NPSR1: variants seen among roughly 807,000 people sequenced by gnomAD.
NPSR1 encodes the protein neuropeptide S receptor 1.
In NPSR1, 48 loss-of-function variants were observed where a neutral mutation model predicts 46.9. The ratio of observed to expected loss-of-function variants is 1.02; its 90% CI spans 0.81 to 1.30. NPSR1 has a LOEUF of 1.30. Ranked by LOEUF, NPSR1 falls within the 50% of genes most tolerant of loss-of-function variation. The pLI is 0.00. For missense variants in NPSR1, 450 were observed against 449.5 expected, an observed-to-expected ratio of 1.00 and a Z score of -0.01; for synonymous variants, 176 against 168.1, an observed-to-expected ratio of 1.05 and a Z score of -0.36.
At chr7:34,820,111 C>A (rs1167117850) in intron 4 of NPSR1, among the ~76,000 whole-genome samples, 1 of 151,940 alleles carries the variant, frequency 6.6e-6, no homozygotes, top group Non-Finnish European at 1.5e-5. Context: ...GTGCTCTTGC[C>A]ACAAAAGGAA....
chr7:34,863,175 C>T (rs1335465172), intron 8 of NPSR1, among the ~76,000 whole-genome samples: 1 of 151,720 alleles, frequency 6.6e-6, no homozygotes, highest in African/African-American at 2.4e-5. Flanking sequence ...ATAGGCTAGC[C>T]ATATGCAGAA....
intron 4 of NPSR1, among the ~76,000 whole-genome samples, chr7:34,819,523 C>T (rs1789441888): frequency 6.6e-6 from 1 of 152,146 alleles, no homozygotes; most frequent in Admixed American, 6.5e-5. Context: ...CCTCAAGGAT[C>T]TAGAACTAGA....
intron 2 of NPSR1, among the ~76,000 whole-genome samples, chr7:34,714,794 C>G (rs986539262): frequency 1.3e-5 from 2 of 152,182 alleles, no homozygotes; most frequent in Non-Finnish European, 2.9e-5. Flanking sequence ...CAGACTTAAG[C>G]TGTGCATTGA....
intron 2 of NPSR1, chr7:34,710,643 A>C (rs1487746588): frequency 5.5e-6 from 1 of 181,738 alleles, no homozygotes; most frequent in Admixed American, 6.2e-5. Flanking sequence ...TTGGCTAGAG[A>C]ACAAAGACTT....
chr7:34,674,826 A>G (rs1229762308), intron 1 of NPSR1, among the ~76,000 whole-genome samples: 7 of 152,316 alleles, frequency 4.6e-5, no homozygotes, highest in African/African-American at 1.2e-4. Context: ...CCTCCAATGC[A>G]TGGACCTTAT....
At chr7:34,877,510 C>A (rs1791604851) in intron 8 of NPSR1, among the ~76,000 whole-genome samples, 1 of 152,168 alleles carries the variant, frequency 6.6e-6, no homozygotes. Flanking sequence ...GTCAGAGGCA[C>A]AGCCTCAGAA....
intron 2 of NPSR1, among the ~76,000 whole-genome samples, chr7:34,763,525 AT>A (rs1383805111): frequency 6.6e-6 from 1 of 152,214 alleles, no homozygotes; most frequent in South Asian, 2.1e-4. Context: ...ACAAAAAAAA[AT>A]AATGTGTTCA....
At chr7:34,751,957 G>A (rs1184429155) in intron 2 of NPSR1, 17 of 1,108,010 alleles carry the variant, frequency 1.5e-5, no homozygotes, top group South Asian at 3.8e-5. Flanking sequence ...TGGGGGTGAC[G>A]TTTGCCCAGA....
chr7:34,834,477 C>A lies in NPSR1; in HGVS notation c.757+17C>A. On this transcript the variant is annotated intron_variant, in intron 6 of 8. Coordinates refer to ENST00000360581, the MANE Select transcript of NPSR1 (RefSeq NM_207172.2). ...ACTGCTCAGGTAAGTCTCTACTCTG[C>A]ATGGCCCAATTCTTGGCTAATTTGC... The A allele has an allele frequency of 6.4e-7, 1 of 1,572,344 alleles. No individual in the cohort carries two copies. The highest frequency in any genetic ancestry group is 8.8e-7 in the Non-Finnish European group (1 of 1,142,292).
intron 5 of NPSR1, among the ~76,000 whole-genome samples, chr7:34,832,541 G>A (rs756003009): frequency 2.0e-5 from 3 of 152,100 alleles, no homozygotes; most frequent in Non-Finnish European, 4.4e-5. Context: ...ACACAGCAAC[G>A]CAGATGTCTC....
chr7:34,791,305 A>AAT (rs1209017314), intron 3 of NPSR1, among the ~76,000 whole-genome samples: 1 of 143,788 alleles, frequency 7.0e-6, no homozygotes, highest in Non-Finnish European at 1.5e-5. Flanking sequence ...TAAAATATAT[A>AAT]ATATATATAC....
At chr7:34,692,459 A>G (rs998333019) in intron 2 of NPSR1, among the ~76,000 whole-genome samples, 3 of 152,218 alleles carry the variant, frequency 2.0e-5, no homozygotes, top group African/African-American at 7.2e-5. Context: ...GCCTTTTGGT[A>G]AACAATAAAA....
Position 34,849,390 on chromosome 7 carries a change from GAGA to G in NPSR1, c.1026-172_1026-170del, listed in dbSNP as rs751305764. 51 of 1,553,790 alleles carry G rather than the reference GAGA, an allele frequency of 3.3e-5. 1 individual carries two copies. In the African/African-American group the frequency reaches 6.6e-4, roughly 20 times the overall value. On this transcript the variant is annotated intron_variant, in intron 8 of 8. Coordinates refer to ENST00000360581, the MANE Select transcript of NPSR1 (RefSeq NM_207172.2). ...CCTCTGGGCTCTGGTGCTGACCAGT[GAGA>G]AGGAGAGCTGTGAGTCATGGAGAAG...
At chr7:34,798,402 G>A (rs1399674623) in intron 3 of NPSR1, among the ~76,000 whole-genome samples, 1 of 152,104 alleles carries the variant, frequency 6.6e-6, no homozygotes, top group African/African-American at 2.4e-5. Flanking sequence ...AGATGTGGTG[G>A]CACGCACCTG....
intron 1 of NPSR1, chr7:34,660,073 G>A (rs527841307): frequency 9.7e-5 from 44 of 455,890 alleles, no homozygotes; most frequent in Non-Finnish European, 1.6e-4. Flanking sequence ...AATATGTGAA[G>A]AAACAAATCC....
intron 5 of NPSR1, among the ~76,000 whole-genome samples, chr7:34,833,175 T>C (rs1470232730): frequency 6.6e-6 from 1 of 152,238 alleles, no homozygotes; most frequent in African/African-American, 2.4e-5. Context: ...GAAGCTCTGA[T>C]TTTTTAAAAT....
chr7:34,697,273 G>A (rs958213796), intron 2 of NPSR1, among the ~76,000 whole-genome samples: 11 of 151,950 alleles, frequency 7.2e-5, no homozygotes, highest in Middle Eastern at 3.4e-3. Context: ...AAAGTCCTTG[G>A]ATTGCCTGGA....
intron 2 of NPSR1, among the ~76,000 whole-genome samples, chr7:34,714,791 A>T (rs1458581080): frequency 6.6e-6 from 1 of 152,194 alleles, no homozygotes; most frequent in Non-Finnish European, 1.5e-5. Context: ...CCCCAGACTT[A>T]AGCTGTGCAT....
Position 34,718,537 on chromosome 7 carries a change from A to C in NPSR1, c.280+33853A>C, listed in dbSNP as rs1783689041. ...TGATTGGGCTGTTCTGATATGATCCATTCCTAGGCTTCTAAACACCTCAGG... is the reference window on the plus strand; with the variant it reads ...TGATTGGGCTGTTCTGATATGATCCCTTCCTAGGCTTCTAAACACCTCAGG... On this transcript the variant is annotated intron_variant, in intron 2 of 8. Coordinates refer to ENST00000360581, the MANE Select transcript of NPSR1 (RefSeq NM_207172.2). 3.9e-5 allele frequency among the ~76,000 whole-genome samples: 6 copies of C among 152,228 alleles called. No individual in the cohort carries two copies. In the South Asian group the frequency reaches 1.2e-3, roughly 32 times the overall value.
Sources: allele counts gnomAD v4.1 joint callset (sites outside exome capture counted in the v4.1 genomes callset), GRCh38; gene constraint gnomAD v4.1.1; transcripts MANE v1.5; gene names NCBI Gene and HGNC (gene_info 2026-07-23, HGNC 2026-07-21).